Variants in PI4KA observed in about 807,000 individuals in gnomAD.
PI4KA encodes the protein phosphatidylinositol 4-kinase alpha.
PI4KA carries 122 observed loss-of-function variants against 271.4 expected under a neutral mutation model. The observed-to-expected ratio is 0.45, with a 90% CI of 0.39 to 0.52. The LOEUF (loss-of-function observed/expected upper bound fraction) is 0.52, where lower values mean the gene tolerates loss of function less well. PI4KA is among the 20% of genes least tolerant of loss of function. The pLI, the probability that PI4KA is intolerant of heterozygous loss-of-function variation, is 0.00. For missense variants in PI4KA, 1,969 were observed against 2,769.1 expected (o/e 0.71, Z 6.48); for synonymous variants, 1,041 against 1,078.8 (o/e 0.96, Z 0.69).
chr22:20,722,875 A>C (rs1056192400), intron 42 of PI4KA, among the ~76,000 whole-genome samples: 1 of 152,178 alleles, frequency 6.6e-6, no homozygotes, highest in Non-Finnish European at 1.5e-5. Flanking sequence ...CAAACTATGA[A>C]TGTTCAATGT....
chr22:20,844,326 C>T (rs1925975505), intron 1 of PI4KA, among the ~76,000 whole-genome samples: 1 of 152,164 alleles, frequency 6.6e-6, no homozygotes, highest in African/African-American at 2.4e-5. Context: ...TACAGGGCTA[C>T]TAGAAAGCAG....
At position 20,729,987 on chromosome 22, in the gene PI4KA, A is replaced by C; in HGVS notation, c.4313T>G (p.Leu1438Arg). The C allele has an allele frequency of 6.2e-7, 1 of 1,614,210 alleles. No individual in the cohort carries two copies. The highest frequency in any genetic ancestry group is 8.5e-7 in the Non-Finnish European group (1 of 1,180,026). ...TTGCCGAGAGCCGACAGTTATGTCC[A>C]GGTTGCTCCGGGTGTCCTGATTATC... ...PPDNQDTRSN[L>R]DITVGSRQQA... Residue 1438 changes from leucine to arginine, a missense_variant, in exon 37 of 55, where the codon CTG (leucine) becomes CGG (arginine). Leu to Arg is a moderately radical substitution (Grantham distance 102, BLOSUM62 -2). Transcript: ENST00000255882.
chr22:20,817,674 C>G (rs764532996), intron 7 of PI4KA, among the ~76,000 whole-genome samples: 23 of 115,410 alleles, frequency 2.0e-4, no homozygotes, highest in Non-Finnish European at 3.3e-4. Context: ...GTTGAAGCTG[C>G]GGTGAGCCAT....
rs551539275 is a variant in PI4KA, at chr22:20,847,072, G to A, written c.157-8341C>T. Among the ~76,000 whole-genome samples the A allele has an allele frequency of 2.0e-4, 30 of 150,862 alleles. No homozygotes were observed. In the South Asian group the frequency reaches 5.4e-3, roughly 27 times the overall value. The stretch of plus-strand genomic sequence containing the variant: ...CTGAGGCAGGAGAATCACTTGAACC[G>A]AGGAGGTGGAGGTTGCAGTGAGCCG... On this transcript the variant is annotated intron_variant, in intron 1 of 54. Coordinates refer to ENST00000255882, the MANE Select transcript of PI4KA (RefSeq NM_058004.4).
intron 43 of PI4KA, among the ~76,000 whole-genome samples, chr22:20,719,290 A>G (rs1000963405): frequency 6.6e-6 from 1 of 151,586 alleles, no homozygotes; most frequent in African/African-American, 2.4e-5. Context: ...GGGGCTCTAT[A>G]TTAAATAGTG....
At chr22:20,797,137 C>G (rs1935035192) in intron 17 of PI4KA, among the ~76,000 whole-genome samples, 1 of 152,158 alleles carries the variant, frequency 6.6e-6, no homozygotes, top group Admixed American at 6.5e-5. Context: ...CAACGGCAGC[C>G]ACGGCAAAAG....
chr22:20,786,263 G>A (rs1934217530), intron 19 of PI4KA: 2 of 1,198,690 alleles, frequency 1.7e-6, no homozygotes, highest in East Asian at 2.3e-5. Context: ...TTGGGGTGCT[G>A]AGTCTGCTCT....
At chr22:20,857,985 C>G (rs572299224) in intron 1 of PI4KA, among the ~76,000 whole-genome samples, 1 of 152,306 alleles carries the variant, frequency 6.6e-6, no homozygotes, top group South Asian at 2.1e-4. Context: ...TCTGCAAACG[C>G]ACAATCTTTT....
intron 23 of PI4KA, among the ~76,000 whole-genome samples, chr22:20,759,565 G>A (rs368441830): frequency 1.3e-5 from 2 of 151,190 alleles, no homozygotes; most frequent in East Asian, 1.9e-4. Context: ...CACCACGCTC[G>A]GCTTATTTAT....
Position 20,832,596 on chromosome 22 carries a change from G to A in PI4KA, c.367+1966C>T, listed in dbSNP as rs989279202. 1.1e-4 allele frequency among the ~76,000 whole-genome samples: 16 copies of A among 152,230 alleles called. No homozygotes were observed. In the South Asian group the frequency reaches 2.9e-3, roughly 28 times the overall value. On this transcript the variant is annotated intron_variant, in intron 3 of 54. Transcript: ENST00000255882. ...AGCCACGCAAGTAGCTGGGATTATA[G>A]GAACCTGCCACCACACCTGGCTAAT...
intron 14 of PI4KA, among the ~76,000 whole-genome samples, chr22:20,800,056 A>G (rs979663621): frequency 5.9e-5 from 9 of 152,166 alleles, no homozygotes; most frequent in Non-Finnish European, 1.0e-4. Flanking sequence ...ACTGTTTCTT[A>G]AGGTCACAGT....
chr22:20,791,201 G>C (rs1050553532), intron 19 of PI4KA, among the ~76,000 whole-genome samples: 3 of 151,624 alleles, frequency 2.0e-5, no homozygotes, highest in Admixed American at 2.0e-4. Context: ...ATATTTGAAA[G>C]TTCACAAGAA....
At chr22:20,748,659 G>A (rs116584125) in intron 28 of PI4KA, among the ~76,000 whole-genome samples, 33 of 152,218 alleles carry the variant, frequency 2.2e-4, no homozygotes, top group African/African-American at 7.5e-4. Context: ...CCCTTAAGAA[G>A]AAATGTACAG....
intron 1 of PI4KA, among the ~76,000 whole-genome samples, chr22:20,843,687 T>A (rs556124846): frequency 6.6e-6 from 1 of 152,292 alleles, no homozygotes; most frequent in Admixed American, 6.5e-5. Context: ...AGGCAGGCCA[T>A]GTGTTATCCT....
At chr22:20,831,878 T>C (rs1203232115) in intron 3 of PI4KA, among the ~76,000 whole-genome samples, 2 of 152,170 alleles carry the variant, frequency 1.3e-5, no homozygotes, top group African/African-American at 4.8e-5. Flanking sequence ...CTAGTGAGAT[T>C]GGGAAAATAC....
intron 23 of PI4KA, among the ~76,000 whole-genome samples, chr22:20,760,688 C>T (rs1160643284): frequency 1.3e-5 from 2 of 152,154 alleles, no homozygotes; most frequent in Non-Finnish European, 2.9e-5. Context: ...TTATTCTTAT[C>T]TTAGCTTTGT....
At chr22:20,826,900 T>A (rs1343881433) in intron 3 of PI4KA, among the ~76,000 whole-genome samples, 2 of 39,336 alleles carry the variant, frequency 5.1e-5, no homozygotes, top group Non-Finnish European at 1.0e-4. Flanking sequence ...TTAACGGGGT[T>A]TTTTTTTTGT....
At position 20,777,124 on chromosome 22, in the gene PI4KA, C is replaced by T. The variant is rs1468272532; in HGVS notation, c.2329-11431G>A. ...GAGTGCAGTAGTGGCGTGATCACGG[C>T]TCACTGCAGACTCAAGTGATCCTCC... is the stretch of plus-strand genomic sequence containing the variant. On this transcript the variant is annotated intron_variant, in intron 19 of 54. Transcript: ENST00000255882. Among the ~76,000 whole-genome samples the T allele has an allele frequency of 3.3e-5, 5 of 151,882 alleles. No individual in the cohort carries two copies. In the East Asian group the frequency reaches 7.7e-4, roughly 23 times the overall value.
chr22:20,817,342 G>A (rs1033133768), intron 7 of PI4KA, among the ~76,000 whole-genome samples: 1 of 152,136 alleles, frequency 6.6e-6, no homozygotes, highest in Non-Finnish European at 1.5e-5. Flanking sequence ...AAGTAAGGTA[G>A]AAATAATTTT....
Sources: gnomAD v4.1 joint callset for allele counts (sites outside exome capture counted in the v4.1 genomes callset) on GRCh38, gnomAD v4.1.1 for gene constraint, MANE v1.5 for transcripts, NCBI Gene and HGNC (gene_info 2026-07-23, HGNC 2026-07-21) for gene names.